Variants in NEDD4L observed in about 807,000 individuals in gnomAD.
The protein encoded by NEDD4L is NEDD4 like E3 ubiquitin protein ligase.
In NEDD4L, 54 loss-of-function variants were observed where a neutral mutation model predicts 148.9. The observed-to-expected ratio is 0.36, with a 90% confidence interval of 0.29 to 0.45. The LOEUF (loss-of-function observed/expected upper bound fraction) is 0.45, where lower values mean the gene tolerates loss of function less well. Ranked by LOEUF, NEDD4L falls within the 20% of genes least tolerant of loss-of-function variation. The probability of loss-of-function intolerance (pLI) is 1.00; values close to 1 mark genes in which losing one functional copy is unlikely to be tolerated. For synonymous variants in NEDD4L, 433 were observed against 440.7 expected, an observed-to-expected ratio of 0.98 and a Z score of 0.22; for missense variants, 856 against 1,233.8, an observed-to-expected ratio of 0.69 and a Z score of 4.59.
At position 58,383,321 on chromosome 18, in the gene NEDD4L, T is replaced by C; in HGVS notation, c.2426+2T>C. 1 of 1,491,986 alleles carries C rather than the reference T, an allele frequency of 6.7e-7. No homozygotes were observed. The highest frequency in any genetic ancestry group is 9.2e-7 in the Non-Finnish European group (1 of 1,092,852). 92.4% of individuals were successfully genotyped at this position (1,491,986 alleles called of 1,614,324 possible). Reference sequence around the variant, plus strand: ...TGAAAACAAAAGGGAATATATCGAGTATGTATACACATATTTACTGCCTTT... The same window carrying C: ...TGAAAACAAAAGGGAATATATCGAGCATGTATACACATATTTACTGCCTTT... On this transcript the variant is annotated splice_donor_variant, in intron 25 of 30. Coordinates refer to ENST00000400345, the MANE Select transcript of NEDD4L (RefSeq NM_001144967.3). LOFTEE classifies it high-confidence loss of function.
At chr18:58,320,588 A>T (rs2058687691) in intron 6 of NEDD4L, among the ~76,000 whole-genome samples, 1 of 152,184 alleles carries the variant, frequency 6.6e-6, no homozygotes, top group Admixed American at 6.5e-5. Flanking sequence ...CCAAGGCAGG[A>T]GGACGTCTTG....
chr18:58,367,975 A>G (rs2046336003), intron 22 of NEDD4L, 108 bp downstream of exon 22: 1 of 1,213,878 alleles, frequency 8.2e-7, no homozygotes. Context: ...TGGTTTACTC[A>G]TAAAGTATTT....
chr18:58,175,537 C>A (rs2038030371), intron 2 of NEDD4L, among the ~76,000 whole-genome samples: 1 of 152,268 alleles, frequency 6.6e-6, no homozygotes, highest in South Asian at 2.1e-4. Flanking sequence ...TCTCTGGAGG[C>A]CTTGCTGAGC....
intron 21 of NEDD4L, 111 bp from the exon 22 acceptor site, chr18:58,367,635 A>C: frequency 1.7e-6 from 2 of 1,157,004 alleles, no homozygotes; most frequent in Non-Finnish European, 2.5e-6. Flanking sequence ...CCCACTAGGT[A>C]CAGAATGCTC....
At chr18:58,188,520 AG>A (rs1470041216) in intron 2 of NEDD4L, among the ~76,000 whole-genome samples, 2 of 152,202 alleles carry the variant, frequency 1.3e-5, no homozygotes, top group African/African-American at 4.8e-5. Context: ...ATGGGGAGGC[AG>A]GACTAGCCTT....
chr18:58,071,043 C>A (rs1371276431), intron 1 of NEDD4L, among the ~76,000 whole-genome samples: 1 of 151,478 alleles, frequency 6.6e-6, no homozygotes, highest in Non-Finnish European at 1.5e-5. Context: ...TAAAAAAACA[C>A]ACACACACAC....
At chr18:58,307,596 G>A (rs760094960) in intron 5 of NEDD4L, among the ~76,000 whole-genome samples, 1 of 152,114 alleles carries the variant, frequency 6.6e-6, no homozygotes, top group African/African-American at 2.4e-5. Flanking sequence ...AAACCACACG[G>A]CACTTCCATT....
At chr18:58,230,983 C>T (rs1473072612) in intron 2 of NEDD4L, among the ~76,000 whole-genome samples, 1 of 152,058 alleles carries the variant, frequency 6.6e-6, no homozygotes, top group Non-Finnish European at 1.5e-5. Context: ...CGTGGTGACT[C>T]ATACCTGTAA....
intron 1 of NEDD4L, among the ~76,000 whole-genome samples, chr18:58,122,884 C>T (rs563368702): frequency 6.6e-6 from 1 of 152,176 alleles, no homozygotes; most frequent in South Asian, 2.1e-4. Context: ...AGGTGTGTGC[C>T]ACCACGCCTG....
In NEDD4L at chr18:58,396,362, G is replaced by C; in HGVS notation, c.*93G>C. 1.2e-6 allele frequency: 1 copy of C among 825,958 alleles called. No individual in the cohort carries two copies. Among genetic ancestry groups the C allele is most frequent in the South Asian group, 1.5e-5 (1 of 66,654 alleles). The allele number at this position is 825,958 out of a possible 1,614,324, so 51.2% of individuals were successfully genotyped here. On this transcript the variant is annotated 3_prime_UTR_variant, in exon 31 of 31. Transcript: ENST00000400345. Reference sequence around the variant, plus strand: ...AGACTTTTGCAGAGGCGATGGCAGAGAGCAGCTGCAGGCATGGTCCCTGGA... The same window carrying C: ...AGACTTTTGCAGAGGCGATGGCAGACAGCAGCTGCAGGCATGGTCCCTGGA...
chr18:58,316,860 A>G (rs2058327249), intron 6 of NEDD4L, among the ~76,000 whole-genome samples: 1 of 152,208 alleles, frequency 6.6e-6, no homozygotes, highest in African/African-American at 2.4e-5. Context: ...AGGAAAGGCG[A>G]ATGTTTCTGC....
chr18:58,232,107 C>T (rs1037059262), intron 2 of NEDD4L, among the ~76,000 whole-genome samples: 4 of 152,170 alleles, frequency 2.6e-5, no homozygotes, highest in African/African-American at 9.7e-5. Flanking sequence ...GAAACATACA[C>T]CCATAAAACA....
chr18:58,154,859 C>T (rs1474711253), intron 1 of NEDD4L, among the ~76,000 whole-genome samples: 2 of 152,064 alleles, frequency 1.3e-5, no homozygotes, highest in Non-Finnish European at 2.9e-5. Flanking sequence ...CTTAATGTTT[C>T]AGATACTATT....
intron 2 of NEDD4L, among the ~76,000 whole-genome samples, chr18:58,177,259 T>C (rs2038277203): frequency 6.6e-6 from 1 of 152,198 alleles, no homozygotes. Context: ...GTTTTCCTTT[T>C]CTTGCGGGGA....
chr18:58,276,223 G>C (rs573934838), intron 5 of NEDD4L, among the ~76,000 whole-genome samples: 1 of 133,364 alleles, frequency 7.5e-6, no homozygotes, highest in African/African-American at 2.9e-5. Context: ...GGGTGGGGAG[G>C]GGGGTGGTTT....
At chr18:58,149,700 A>C (rs1416625921) in intron 1 of NEDD4L, 25 of 679,326 alleles carry the variant, frequency 3.7e-5, no homozygotes, top group Non-Finnish European at 6.5e-5. Flanking sequence ...TCTTTAACAT[A>C]ATTGACCTGA....
rs1600305184 is a variant in NEDD4L at position 58,256,167 on chromosome 18, G to A, written c.297+4113G>A. 2.9e-5 allele frequency: 35 copies of A among 1,218,244 alleles called. No homozygotes were observed. The East Asian group carries it at 1.1e-3, about 39-fold the overall frequency. The allele number at this position is 1,218,244 out of a possible 1,614,324, so 75.5% of individuals were successfully genotyped here. On this transcript the variant is annotated intron_variant, in intron 5 of 30. Transcript: ENST00000400345. This position sits in a 1 kb window ranked among gnomAD's most constrained non-coding sequence, Gnocchi z 5.2. ...GGCACGTGCGGCCGCCGCGTGCGGT[G>A]CTCCGGCCCCGTGGACTGCGCGGAG...
chr18:58,335,420 C>A, intron 12 of NEDD4L, 58 bp from the exon 13 acceptor site: 2 of 1,426,378 alleles, frequency 1.4e-6, no homozygotes, highest in South Asian at 2.3e-5. Flanking sequence ...GGCCCTGATT[C>A]AGACAGCAGG....
intron 24 of NEDD4L, among the ~76,000 whole-genome samples, chr18:58,374,991 A>G (rs963773363): frequency 1.3e-5 from 2 of 152,000 alleles, no homozygotes; most frequent in African/African-American, 2.4e-5. Flanking sequence ...GCTTCTCCTG[A>G]GAGGCTCACG....
Sources: gnomAD v4.1 joint callset for allele counts (sites outside exome capture counted in the v4.1 genomes callset) on GRCh38, gnomAD v4.1.1 for gene constraint, Gnocchi (gnomAD v3.1) non-coding constraint, MANE v1.5 for transcripts, NCBI Gene and HGNC (gene_info 2026-07-23, HGNC 2026-07-21) for gene names.